HDAC9: variants seen among roughly 807,000 people sequenced by gnomAD.
HDAC9 encodes histone deacetylase 9, also known as MEF-2 interacting transcription repressor (MITR) protein.
HDAC9 carries 41 observed loss-of-function variants against 139.4 expected under a neutral mutation model. The observed-to-expected ratio is 0.29, with a 90% CI of 0.23 to 0.38. The LOEUF (loss-of-function observed/expected upper bound fraction) is 0.38, where lower values mean the gene tolerates loss of function less well. HDAC9 is among the 10% of genes least tolerant of loss of function. The pLI is 1.00. For synonymous variants in HDAC9, 517 were observed against 476.2 expected, an observed-to-expected ratio of 1.09 and a Z score of -1.12; for missense variants, 1,147 against 1,297.0, an observed-to-expected ratio of 0.88 and a Z score of 1.78.
At chr7:18,324,087 T>G (rs986577660) in intron 1 of HDAC9, among the ~76,000 whole-genome samples, 1 of 151,938 alleles carries the variant, frequency 6.6e-6, no homozygotes, top group Non-Finnish European at 1.5e-5. Flanking sequence ...ACAATCACAC[T>G]GGGGATGAAG....
chr7:18,633,442 T>C (rs1003934340), intron 7 of HDAC9, among the ~76,000 whole-genome samples: 19 of 152,172 alleles, frequency 1.2e-4, no homozygotes, highest in African/African-American at 4.3e-4. Flanking sequence ...GAGGAGGGCC[T>C]GAAGATTCCA....
chr7:18,102,947 T>A (rs1782944402), intron 1 of HDAC9, among the ~76,000 whole-genome samples: 1 of 152,192 alleles, frequency 6.6e-6, no homozygotes, highest in East Asian at 1.9e-4. Context: ...AAAGAAGGCC[T>A]AGGACAGTGT....
intron 23 of HDAC9, chr7:18,949,237 C>T (rs770822258): frequency 3.9e-5 from 8 of 202,592 alleles, no homozygotes; most frequent in Non-Finnish European, 8.0e-5. Flanking sequence ...CTTCCTCACC[C>T]TTGTCATCGT....
At chr7:18,302,704 G>T (rs1798621418) in intron 1 of HDAC9, among the ~76,000 whole-genome samples, 1 of 152,180 alleles carries the variant, frequency 6.6e-6, no homozygotes, top group Non-Finnish European at 1.5e-5. Context: ...AGTAGGAATT[G>T]TATGATGAAG....
chr7:18,874,471 T>G lies in HDAC9; in HGVS notation c.2685-7T>G, dbSNP rs752414896. 6.4e-7 allele frequency: 1 copy of G among 1,564,160 alleles called. No individual in the cohort carries two copies. Among genetic ancestry groups the G allele is most frequent in the Non-Finnish European group, 8.7e-7 (1 of 1,149,852 alleles). On this transcript the variant is annotated splice_polypyrimidine_tract_variant and splice_region_variant and intron_variant, in intron 21 of 25. Transcript: ENST00000686413. ...CACGTGTGACCGGTTGCATTTTTAC[T>G]GTGCAGGACCATCGTGAAGCCTGTG...
At chr7:18,353,279 T>C (rs945919925) in intron 1 of HDAC9, among the ~76,000 whole-genome samples, 2 of 151,970 alleles carry the variant, frequency 1.3e-5, no homozygotes, top group African/African-American at 4.8e-5. Flanking sequence ...TTTTTTTTTT[T>C]CCTCTGCAAG....
At chr7:18,277,006 G>C (rs1359326496) in intron 2 of HDAC9, among the ~76,000 whole-genome samples, 2 of 151,812 alleles carry the variant, frequency 1.3e-5, no homozygotes, top group African/African-American at 4.8e-5. Context: ...GAAACATATA[G>C]TTTATTAATT....
At chr7:18,554,063 G>A (rs1817967303) in intron 2 of HDAC9, among the ~76,000 whole-genome samples, 2 of 152,182 alleles carry the variant, frequency 1.3e-5, no homozygotes, top group Non-Finnish European at 1.5e-5. Flanking sequence ...TAGTAGCACC[G>A]TTAGTTACTG....
chr7:18,530,612 T>A (rs1050770473), intron 2 of HDAC9, among the ~76,000 whole-genome samples: 3 of 152,062 alleles, frequency 2.0e-5, no homozygotes, highest in Admixed American at 6.6e-5. Context: ...TTTCTTATTT[T>A]ACATTCATTA....
intron 2 of HDAC9, among the ~76,000 whole-genome samples, chr7:18,541,249 GC>G (rs1812834216): frequency 7.5e-6 from 1 of 133,764 alleles, no homozygotes; most frequent in Admixed American, 9.0e-5. Flanking sequence ...TTGGCACCTT[GC>G]CCCTTGCTAA....
chr7:18,234,295 T>C (rs776201061), intron 2 of HDAC9, among the ~76,000 whole-genome samples: 2 of 152,152 alleles, frequency 1.3e-5, no homozygotes, highest in Non-Finnish European at 2.9e-5. Context: ...TTTAAAATTG[T>C]GAATAACAGT....
chr7:18,490,531 A>G (rs906610178), intron 1 of HDAC9, among the ~76,000 whole-genome samples: 1 of 152,028 alleles, frequency 6.6e-6, no homozygotes, highest in Non-Finnish European at 1.5e-5. Flanking sequence ...CTTGCGTCAG[A>G]TGAGGAAGAT....
intron 13 of HDAC9, among the ~76,000 whole-genome samples, chr7:18,731,247 AT>A (rs202015405): frequency 6.0e-5 from 9 of 150,242 alleles, no homozygotes; most frequent in South Asian, 2.1e-4. Context: ...TTGTATTTGT[AT>A]TTTTTTTTTA....
At chr7:18,294,135 C>T (rs1797994005) in intron 1 of HDAC9, among the ~76,000 whole-genome samples, 1 of 152,022 alleles carries the variant, frequency 6.6e-6, no homozygotes, top group African/African-American at 2.4e-5. Flanking sequence ...AGAAAATTCA[C>T]AGGTTTGGGG....
intron 17 of HDAC9, among the ~76,000 whole-genome samples, chr7:18,798,445 G>A (rs1244517093): frequency 6.6e-6 from 1 of 152,148 alleles, no homozygotes; most frequent in Admixed American, 6.5e-5. Context: ...TTAACTCATC[G>A]TATTTCCATC....
chr7:18,717,506 A>C (rs1012195592), intron 12 of HDAC9, among the ~76,000 whole-genome samples: 2 of 145,244 alleles, frequency 1.4e-5, no homozygotes, highest in Non-Finnish European at 3.0e-5. Context: ...ATCTCAGCTC[A>C]CTGCAACCTC....
At chr7:18,553,913 C>G (rs956545952) in intron 2 of HDAC9, among the ~76,000 whole-genome samples, 1 of 152,138 alleles carries the variant, frequency 6.6e-6, no homozygotes, top group Non-Finnish European at 1.5e-5. Context: ...CCTCAAGGGA[C>G]TTACAGTCTG....
intron 12 of HDAC9, among the ~76,000 whole-genome samples, chr7:18,702,903 T>G (rs1288402027): frequency 2.0e-5 from 3 of 152,384 alleles, no homozygotes; most frequent in African/African-American, 7.2e-5. Flanking sequence ...AAAAAAGAGT[T>G]ACATCTTTTG....
At chr7:18,992,531 T>C (rs1362303460) in intron 25 of HDAC9, among the ~76,000 whole-genome samples, 4 of 151,822 alleles carry the variant, frequency 2.6e-5, no homozygotes, top group Non-Finnish European at 5.9e-5. Context: ...GGAAGAGGAG[T>C]AGAAGTAAGA....
Sources: gnomAD v4.1 joint callset for allele counts (sites outside exome capture counted in the v4.1 genomes callset) on GRCh38, gnomAD v4.1.1 for gene constraint, MANE v1.5 for transcripts, NCBI Gene and HGNC (gene_info 2026-07-23, HGNC 2026-07-21) for gene names.